ALB: variants seen among roughly 807,000 people sequenced by gnomAD.
The protein encoded by ALB is serum albumin.
ALB carries 37 observed loss-of-function variants against 74.5 expected under a neutral mutation model. That is an observed-to-expected ratio of 0.50 (90% confidence interval 0.38 to 0.65). The LOEUF (loss-of-function observed/expected upper bound fraction) is 0.65. Ranked by LOEUF, ALB falls within the 30% of genes least tolerant of loss-of-function variation. The probability of loss-of-function intolerance (pLI) is 0.00; values close to 1 mark genes in which losing one functional copy is unlikely to be tolerated. For missense variants in ALB, 685 were observed against 718.7 expected, an observed-to-expected ratio of 0.95 and a Z score of 0.54; for synonymous variants, 249 against 251.6, an observed-to-expected ratio of 0.99 and a Z score of 0.10.
intron 3 of ALB, 41 bp from the exon 4 acceptor site, chr4:73,408,553 A>G (rs1249216018): frequency 1.9e-6 from 3 of 1,552,316 alleles, no homozygotes; most frequent in Non-Finnish European, 2.7e-6. Flanking sequence ...TAAAGAAAAA[A>G]GGTACTGTCC....
rs1577940649 is a variant in ALB, at chr4:73,416,324, G to A, written c.1260G>A (p.Glu420=). Residue 420 remains glutamate (E), a synonymous_variant, in exon 10 of 15, where the codon GAG becomes GAA. Transcript: ENST00000295897. Reference sequence around the variant, plus strand: ...TCAAACAAAATTGTGAGCTTTTTGAGCAGCTTGGAGAGTACAAATTCCAGA... The same window carrying A: ...TCAAACAAAATTGTGAGCTTTTTGAACAGCTTGGAGAGTACAAATTCCAGA... ...NLIKQNCELF[E]QLGEYKFQNA... The A allele has an allele frequency of 6.2e-7, 1 of 1,613,484 alleles. No individual in the cohort carries two copies. Among genetic ancestry groups the A allele is most frequent in the Non-Finnish European group, 8.5e-7 (1 of 1,179,732 alleles).
intron 9 of ALB, 188 bp downstream of exon 9, chr4:73,415,355 G>T (rs1718987198): frequency 2.9e-6 from 2 of 687,694 alleles, no homozygotes; most frequent in African/African-American, 3.6e-5. Flanking sequence ...ATTTAGACTA[G>T]TTAGAATAGA....
intron 8 of ALB, 121 bp downstream of exon 8, chr4:73,413,755 C>T (rs1261228213): frequency 1.1e-6 from 1 of 947,434 alleles, no homozygotes; most frequent in Non-Finnish European, 1.6e-6. Context: ...TTTCTTCATC[C>T]TTCCCTTTCC....
chr4:73,418,559 T>C (rs1190641583), intron 12 of ALB, among the ~76,000 whole-genome samples: 1 of 152,200 alleles, frequency 6.6e-6, no homozygotes, highest in African/African-American at 2.4e-5. Context: ...TAGAATAACA[T>C]GTTAGGCCAT....
intron 7 of ALB, among the ~76,000 whole-genome samples, chr4:73,412,988 A>G (rs16849334): frequency 0.013 from 1,943 of 152,254 alleles, 50 homozygotes; most frequent in African/African-American, 0.044. Flanking sequence ...CTTTCTGGAA[A>G]ATTTAAGGCG....
intron 8 of ALB, among the ~76,000 whole-genome samples, 166 bp from the exon 9 acceptor site, chr4:73,414,869 T>C (rs1480821369): frequency 6.6e-6 from 1 of 152,164 alleles, no homozygotes; most frequent in Non-Finnish European, 1.5e-5. Context: ...GAATTGAGCC[T>C]TGGTAACTTT....
intron 7 of ALB, 198 bp from the exon 8 acceptor site, chr4:73,413,222 C>T (rs1361040507): frequency 3.3e-6 from 2 of 607,062 alleles, no homozygotes; most frequent in Non-Finnish European, 5.9e-6. Context: ...ACTGATTAGT[C>T]TATTTTAATT....
At chr4:73,412,407 A>C (rs1718901601) in intron 7 of ALB, among the ~76,000 whole-genome samples, 1 of 152,202 alleles carries the variant, frequency 6.6e-6, no homozygotes, top group South Asian at 2.1e-4. Context: ...ACAAGGTTTT[A>C]CTTGGCAGAA....
chr4:73,404,423 T>A lies in ALB; in HGVS notation c.79+17T>A, dbSNP rs758423267. On this transcript the variant is annotated intron_variant, in intron 1 of 14. Coordinates refer to ENST00000295897, the MANE Select transcript of ALB (RefSeq NM_000477.7). ...GAGATGCACGTAAGAAATCCATTTT[T>A]CTATTGTTCAACTTTTATTCTATTT... 2 of 1,589,630 alleles carry A rather than the reference T, an allele frequency of 1.3e-6. No individual in the cohort carries two copies. Among genetic ancestry groups the A allele is most frequent in the Non-Finnish European group, 1.7e-6 (2 of 1,157,930 alleles).
intron 14 of ALB, chr4:73,420,769 T>C: frequency 3.2e-6 from 1 of 308,872 alleles, no homozygotes; most frequent in Non-Finnish European, 5.9e-6. Context: ...AACCTAATAG[T>C]TCAACTCATC....
chr4:73,405,651 C>T (rs921613345), intron 2 of ALB, among the ~76,000 whole-genome samples: 1 of 151,434 alleles, frequency 6.6e-6, no homozygotes. Flanking sequence ...AGTGCAGTGG[C>T]GCAATCTCGG....
rs141733599 is a variant in ALB at position 73,404,406 on chromosome 4, C to T, written c.79C>T (p.His27Tyr). The T allele has an allele frequency of 5.4e-5, 87 of 1,608,312 alleles. No homozygotes were observed. The highest frequency in any genetic ancestry group is 1.0e-4 in the Admixed American group (6 of 59,980). Residue 27 changes from histidine to tyrosine, a missense_variant and splice_region_variant, in exon 1 of 15, where the codon CAC (histidine) becomes TAC (tyrosine). His to Tyr is a moderately conservative substitution (Grantham distance 83). Transcript: ENST00000295897. The stretch of plus-strand genomic sequence containing the variant: ...CAGGGGTGTGTTTCGTCGAGATGCA[C>T]GTAAGAAATCCATTTTTCTATTGTT... ...YSRGVFRRDA[H>Y]KSEVAHRFKD...
intron 7 of ALB, among the ~76,000 whole-genome samples, chr4:73,412,794 T>C (rs1246630817): frequency 6.6e-6 from 1 of 152,234 alleles, no homozygotes; most frequent in African/African-American, 2.4e-5. Flanking sequence ...GGTCACTACT[T>C]GAAGAGATTT....
At chr4:73,418,434 C>G (rs994721455) in intron 12 of ALB, 123 bp downstream of exon 12, 1 of 852,568 alleles carries the variant, frequency 1.2e-6, no homozygotes, top group Non-Finnish European at 1.9e-6. Flanking sequence ...GGAGTGTTGC[C>G]CTTATTATGC....
rs1436272301 is a variant in ALB, at chr4:73,410,323, T to C, written c.627T>C (p.Leu209=). 6.2e-7 allele frequency: 1 copy of C among 1,613,754 alleles called. No individual in the cohort carries two copies. Among genetic ancestry groups the C allele is most frequent in the Admixed American group, 1.7e-5 (1 of 59,994 alleles). The change falls in exon 6 of 15, where the codon CTT becomes CTC. Residue 209 remains leucine (L), a synonymous_variant. Transcript: ENST00000295897. The part of the protein sequence containing the change: ...AACLLPKLDE[L]RDEGKASSAK... ...ATTCCTTTTTGTAGCTCGATGAACT[T>C]CGGGATGAAGGGAAGGCTTCGTCTG...
In ALB at chr4:73,417,669, T is replaced by C. The variant is rs757476866; in HGVS notation, c.1428T>C (p.Tyr476=). ...EAKRMPCAED[Y]LSVVLNQLCV... ...AAAGAATGCCCTGTGCAGAAGACTA[T>C]GTGAGTCTTTAAAAAAATATAATAA... Residue 476 remains tyrosine (Y), a splice_region_variant and synonymous_variant, in exon 11 of 15, where the codon TAT becomes TAC. Coordinates refer to ENST00000295897, the MANE Select transcript of ALB (RefSeq NM_000477.7). The C allele has an allele frequency of 3.1e-6, 5 of 1,588,316 alleles. No individual in the cohort carries two copies. The Admixed American group carries it at 9.0e-5, about 29-fold the overall frequency.
chr4:73,420,460 T>A (rs1439822316), intron 14 of ALB, 139 bp downstream of exon 14: 1 of 511,006 alleles, frequency 2.0e-6, no homozygotes, highest in African/African-American at 2.0e-5. Flanking sequence ...TATTAGCTTT[T>A]AAAATTCTCA....
At chr4:73,419,665 A>G (rs1258726890) in intron 13 of ALB, 26 bp downstream of exon 13, 7 of 1,613,046 alleles carry the variant, frequency 4.3e-6, no homozygotes, top group Non-Finnish European at 5.9e-6. Flanking sequence ...TCATTTTAAT[A>G]TGTCCAGTAT....
At chr4:73,411,501 T>C (rs1174754053) in intron 6 of ALB, among the ~76,000 whole-genome samples, 2 of 152,216 alleles carry the variant, frequency 1.3e-5, no homozygotes, top group East Asian at 1.9e-4. Context: ...AAAATGTGTT[T>C]CAATTGAGAA....
Sources: allele counts gnomAD v4.1 joint callset (sites outside exome capture counted in the v4.1 genomes callset), GRCh38; gene constraint gnomAD v4.1.1; transcripts MANE v1.5; gene names NCBI Gene and HGNC (gene_info 2026-07-23, HGNC 2026-07-21).